Variants in PTPRD observed in about 807,000 individuals in gnomAD.
PTPRD encodes the protein receptor-type tyrosine-protein phosphatase delta.
In PTPRD, 34 loss-of-function variants were observed where a neutral mutation model predicts 214.5. The ratio of observed to expected loss-of-function variants is 0.16; its 90% CI spans 0.12 to 0.21. The LOEUF (loss-of-function observed/expected upper bound fraction) is 0.21, where lower values mean the gene tolerates loss of function less well. Ranked by LOEUF, PTPRD falls within the 10% of genes least tolerant of loss-of-function variation. The probability of loss-of-function intolerance (pLI) is 1.00; values close to 1 mark genes in which losing one functional copy is unlikely to be tolerated. For missense variants in PTPRD, 2,545 were observed against 2,398.7 expected, an observed-to-expected ratio of 1.06 and a Z score of -1.27; for synonymous variants, 1,128 against 845.7, an observed-to-expected ratio of 1.33 and a Z score of -5.79.
chr9:9,934,796 T>C (rs1294293006), intron 5 of PTPRD, among the ~76,000 whole-genome samples: 1 of 151,826 alleles, frequency 6.6e-6, no homozygotes. Context: ...TAGACCAATA[T>C]CCTTGATGAA....
chr9:9,513,502 G>C (rs72706520), intron 8 of PTPRD, among the ~76,000 whole-genome samples: 5,604 of 151,006 alleles, frequency 0.037, 141 homozygotes, highest in Middle Eastern at 0.079. Flanking sequence ...TTAACATTTT[G>C]CTTTTTCTTA....
At chr9:10,494,978 CA>C (rs2041603923) in intron 2 of PTPRD, among the ~76,000 whole-genome samples, 1 of 151,712 alleles carries the variant, frequency 6.6e-6, no homozygotes, top group South Asian at 2.1e-4. Context: ...TCTGTCTTAA[CA>C]TAAGAATATT....
chr9:9,446,123 C>T (rs759296936), intron 8 of PTPRD, among the ~76,000 whole-genome samples: 6 of 152,104 alleles, frequency 3.9e-5, no homozygotes, highest in Non-Finnish European at 4.4e-5. Context: ...GATATTTGCA[C>T]GTGGCACCTC....
chr9:9,797,835 C>T (rs1598142148), intron 5 of PTPRD, among the ~76,000 whole-genome samples: 3 of 151,616 alleles, frequency 2.0e-5, no homozygotes, highest in South Asian at 2.1e-4. Flanking sequence ...CGGACAACAG[C>T]GAGACTTAAT....
intron 3 of PTPRD, among the ~76,000 whole-genome samples, chr9:10,095,913 G>A (rs1306985176): frequency 1.3e-5 from 2 of 151,520 alleles, no homozygotes. Flanking sequence ...AAAAGTCAGT[G>A]GTTCTCTTGC....
At chr9:10,274,129 A>G (rs2094556978) in intron 3 of PTPRD, among the ~76,000 whole-genome samples, 1 of 152,100 alleles carries the variant, frequency 6.6e-6, no homozygotes, top group African/African-American at 2.4e-5. Flanking sequence ...GTTCTGTCCA[A>G]CTCTGATATT....
chr9:9,500,398 T>C (rs2154220373), intron 8 of PTPRD, among the ~76,000 whole-genome samples: 1 of 152,236 alleles, frequency 6.6e-6, no homozygotes, highest in African/African-American at 2.4e-5. Flanking sequence ...CTTGGATTTC[T>C]TCCCAGCAGA....
chr9:9,420,023 A>T (rs1300324939), intron 8 of PTPRD, among the ~76,000 whole-genome samples: 1 of 151,674 alleles, frequency 6.6e-6, no homozygotes, highest in East Asian at 1.9e-4. Context: ...CCCAGGTTAC[A>T]GAAAAAATAT....
At chr9:9,252,047 GC>G (rs1184159222) in intron 9 of PTPRD, among the ~76,000 whole-genome samples, 1 of 151,896 alleles carries the variant, frequency 6.6e-6, no homozygotes, top group Admixed American at 6.6e-5. Flanking sequence ...AGCTACATTT[GC>G]CACGGGATTT....
intron 5 of PTPRD, among the ~76,000 whole-genome samples, chr9:9,929,650 A>C (rs10816243): frequency 0.57 from 85,942 of 151,954 alleles, 27,254 homozygotes; most frequent in East Asian, 0.91. Context: ...CCTCAGCCTC[A>C]CAAAGTGCTG....
chr9:9,400,010 T>C (rs1424333285), intron 8 of PTPRD, among the ~76,000 whole-genome samples: 1 of 152,002 alleles, frequency 6.6e-6, no homozygotes, highest in African/African-American at 2.4e-5. Flanking sequence ...AACTGAATTT[T>C]TGTTATAATT....
chr9:10,207,472 C>G (rs1351541752), intron 3 of PTPRD, among the ~76,000 whole-genome samples: 1 of 151,940 alleles, frequency 6.6e-6, no homozygotes, highest in East Asian at 1.9e-4. Context: ...ACTCTTTCCC[C>G]ACTATTTTCT....
chr9:8,486,538 G>C (rs2135995018), intron 27 of PTPRD, 189 bp from the exon 28 acceptor site: 1 of 710,202 alleles, frequency 1.4e-6, no homozygotes, highest in African/African-American at 1.7e-5. Context: ...TATTAAAGTA[G>C]GCTGAGATAC....
chr9:9,793,154 C>T (rs2098979101), intron 5 of PTPRD, among the ~76,000 whole-genome samples: 1 of 151,972 alleles, frequency 6.6e-6, no homozygotes, highest in Admixed American at 6.6e-5. Flanking sequence ...CATTATTTTG[C>T]CATGACAAAA....
intron 2 of PTPRD, among the ~76,000 whole-genome samples, chr9:10,455,732 A>G (rs760133410): frequency 3.3e-5 from 5 of 151,696 alleles, no homozygotes; most frequent in Admixed American, 6.6e-5. Flanking sequence ...GATTGGTAAA[A>G]CCTTTGTTCA....
intron 2 of PTPRD, among the ~76,000 whole-genome samples, chr9:10,381,914 C>G (rs1317685340): frequency 2.6e-5 from 4 of 151,942 alleles, no homozygotes; most frequent in Non-Finnish European, 5.9e-5. Context: ...TATCTAAACC[C>G]AAAGTTTATT....
At chr9:9,850,235 G>C (rs746522214) in intron 5 of PTPRD, among the ~76,000 whole-genome samples, 13 of 152,160 alleles carry the variant, frequency 8.5e-5, no homozygotes, top group Non-Finnish European at 1.2e-4. Flanking sequence ...TTCCTGTGAT[G>C]CTTTGTGGGT....
chr9:9,090,368 T>C (rs368491004), intron 10 of PTPRD, among the ~76,000 whole-genome samples: 43 of 152,232 alleles, frequency 2.8e-4, no homozygotes, highest in African/African-American at 8.9e-4. Flanking sequence ...GTTCCATCTA[T>C]ATTGGTGCAA....
intron 10 of PTPRD, among the ~76,000 whole-genome samples, chr9:9,153,046 T>G (rs981534029): frequency 6.6e-6 from 1 of 152,184 alleles, no homozygotes; most frequent in African/African-American, 2.4e-5. Flanking sequence ...CTATTGGCCA[T>G]GCTTCTCTTG....
Sources: gnomAD v4.1 joint callset for allele counts (sites outside exome capture counted in the v4.1 genomes callset) on GRCh38, gnomAD v4.1.1 for gene constraint, MANE v1.5 for transcripts, NCBI Gene and HGNC (gene_info 2026-07-23, HGNC 2026-07-21) for gene names.